The following ROBO2 variants were observed in gnomAD, a reference collection of about 807,000 sequenced individuals.
The protein encoded by ROBO2 is roundabout guidance receptor 2, also known as roundabout homolog 2.
A neutral mutation model predicts 160.8 loss-of-function variants in ROBO2; 53 were observed. The observed-to-expected ratio is 0.33, with a 90% confidence interval of 0.26 to 0.41. The LOEUF is 0.41. Ranked by LOEUF, ROBO2 falls within the 10% of genes least tolerant of loss-of-function variation. The pLI is 1.00. For missense variants in ROBO2, 1,577 were observed against 1,722.4 expected (o/e 0.92, Z 1.49); for synonymous variants, 664 against 611.7 (o/e 1.09, Z -1.26).
chr3:77,324,888 GA>G (rs2065225336), intron 2 of ROBO2, among the ~76,000 whole-genome samples: 1 of 150,994 alleles, frequency 6.6e-6, no homozygotes, highest in Admixed American at 6.6e-5. Context: ...AACAGAAATA[GA>G]AAAACTCTAA....
intron 2 of ROBO2, among the ~76,000 whole-genome samples, chr3:76,980,737 G>A (rs1203312825): frequency 2.6e-5 from 4 of 151,810 alleles, no homozygotes; most frequent in South Asian, 4.1e-4. Flanking sequence ...CTATTAACAT[G>A]TATACAAATC....
rs1319637331 is a variant in ROBO2, at chr3:76,834,174, TC to T, written c.110-263839del. Among the ~76,000 whole-genome samples the T allele has an allele frequency of 1.9e-3, 268 of 140,372 alleles. 4 individuals are homozygous for T. Among genetic ancestry groups the T allele is most frequent in the African/African-American group, 5.6e-3 (208 of 37,338 alleles). 92.1% of individuals were successfully genotyped at this position (140,372 alleles called of 152,430 possible). A position where few individuals can be genotyped will look rare whatever the true frequency, so the allele number is the denominator to read the frequency against. On this transcript the variant is annotated intron_variant, in intron 2 of 26. Transcript: ENST00000487694. ...TTCTTTCTCTCTCTTTCTTTCTTTC[TC>T]TCTCTCTCTCTCTCTTTCTTTCTTT...
intron 2 of ROBO2, among the ~76,000 whole-genome samples, chr3:77,100,485 G>T (rs1037297020): frequency 5.3e-5 from 8 of 151,818 alleles, no homozygotes; most frequent in Admixed American, 2.6e-4. Flanking sequence ...CTACCTATTG[G>T]TAACTAATAT....
rs562641899 is a variant in ROBO2, at chr3:75,911,682, C to T, written c.-14+4722C>T. Among the ~76,000 whole-genome samples, 392 of 150,932 alleles carry T rather than the reference C, an allele frequency of 2.6e-3. 1 individual carries two copies. Among genetic ancestry groups the T allele is most frequent in the African/African-American group, 9.0e-3 (373 of 41,218 alleles). ...ACGCCGTTCTCCTGCCTCAGCCTCCCGTGTAGCTGGGACTACAGGCGCACG... is the reference window on the plus strand; with the variant it reads ...ACGCCGTTCTCCTGCCTCAGCCTCCTGTGTAGCTGGGACTACAGGCGCACG... On this transcript the variant is annotated intron_variant, in intron 1 of 26. Transcript: ENST00000487694.
At chr3:77,206,061 T>A (rs1560231977) in intron 2 of ROBO2, among the ~76,000 whole-genome samples, 1 of 152,176 alleles carries the variant, frequency 6.6e-6, no homozygotes, top group Non-Finnish European at 1.5e-5. Context: ...ATTCCTTGGT[T>A]GGGCTGCGTA....
intron 2 of ROBO2, among the ~76,000 whole-genome samples, chr3:76,141,155 CTCTCTATA>C (rs1297653198): frequency 1.8e-3 from 45 of 25,018 alleles, no homozygotes; most frequent in Non-Finnish European, 2.6e-3. Context: ...CTCTCTCTCT[CTCTCTATA>C]TATATATATA....
intron 2 of ROBO2, among the ~76,000 whole-genome samples, chr3:77,406,943 T>G (rs2076301000): frequency 6.6e-6 from 1 of 152,184 alleles, no homozygotes; most frequent in Non-Finnish European, 1.5e-5. Context: ...ACTAATGAGA[T>G]TTCTTTATGA....
chr3:76,292,902 A>G (rs1399576949), intron 2 of ROBO2, among the ~76,000 whole-genome samples: 1 of 151,636 alleles, frequency 6.6e-6, no homozygotes, highest in Non-Finnish European at 1.5e-5. Context: ...ACAAGTGACC[A>G]TGCCGATTGT....
intron 2 of ROBO2, among the ~76,000 whole-genome samples, chr3:77,352,048 G>A (rs1183112760): frequency 6.7e-6 from 1 of 150,302 alleles, no homozygotes; most frequent in East Asian, 2.0e-4. Flanking sequence ...GCATACATAT[G>A]TAACAAACCT....
In ROBO2 at chr3:76,504,519, C is replaced by CTTT. The variant is rs57591523; in HGVS notation, c.109+566943_109+566945dup. ...TTCATCAGTAAGCTTAGAAAATACT[C>CTTT]TTTTTTTTTTTTTTTTTTTTTTTTT... On this transcript the variant is annotated intron_variant, in intron 2 of 26. Transcript: ENST00000487694. Among the ~76,000 whole-genome samples, 22 of 73,550 alleles carry CTTT rather than the reference C, an allele frequency of 3.0e-4. 1 individual carries two copies. Among genetic ancestry groups the CTTT allele is most frequent in the South Asian group, 5.8e-4 (1 of 1,722 alleles). 48.3% of individuals were successfully genotyped at this position (73,550 alleles called of 152,430 possible).
In ROBO2 at chr3:75,923,121, C is replaced by T. The variant is rs1220584805; in HGVS notation, c.-13-14360C>T. 2.0e-5 allele frequency among the ~76,000 whole-genome samples: 3 copies of T among 152,120 alleles called. No individual in the cohort carries two copies. In the South Asian group the frequency reaches 6.2e-4, roughly 31 times the overall value. ...TGCTTTTTTAAGTAGTTCCTATGGC[C>T]TTATCTTATAGAGGAAGGTTTTTTT... On this transcript the variant is annotated intron_variant, in intron 1 of 26. Transcript: ENST00000487694.
chr3:76,654,855 A>G (rs1560312733), intron 2 of ROBO2, among the ~76,000 whole-genome samples: 1 of 119,146 alleles, frequency 8.4e-6, no homozygotes, highest in African/African-American at 4.8e-5. Flanking sequence ...ATATATATAT[A>G]CACACACGTA....
At chr3:76,425,966 A>C (rs1167927756) in intron 2 of ROBO2, among the ~76,000 whole-genome samples, 1 of 152,182 alleles carries the variant, frequency 6.6e-6, no homozygotes, top group Non-Finnish European at 1.5e-5. Context: ...AAATTAAAAC[A>C]CTTATTGGTT....
chr3:76,873,011 G>T (rs982263353), intron 2 of ROBO2, among the ~76,000 whole-genome samples: 1 of 151,988 alleles, frequency 6.6e-6, no homozygotes, highest in African/African-American at 2.4e-5. Context: ...TGATATATTG[G>T]TATTTTAAAT....
intron 1 of ROBO2, among the ~76,000 whole-genome samples, chr3:77,062,677 C>T (rs1028269504): frequency 7.2e-5 from 11 of 152,108 alleles, no homozygotes; most frequent in Admixed American, 2.0e-4. Flanking sequence ...TCCAGTGGCC[C>T]ATAAATTGGA....
intron 2 of ROBO2, among the ~76,000 whole-genome samples, chr3:76,057,295 A>G (rs17013716): frequency 0.02 from 3,121 of 152,256 alleles, 44 homozygotes; most frequent in East Asian, 0.081. Context: ...GGGTTTATAC[A>G]ACACGTTTGT....
chr3:76,526,832 A>G (rs1032731996), intron 2 of ROBO2, among the ~76,000 whole-genome samples: 1 of 152,090 alleles, frequency 6.6e-6, no homozygotes, highest in Non-Finnish European at 1.5e-5. Context: ...ATGAATGTAT[A>G]ATGGGAAGTT....
Position 75,957,248 on chromosome 3 carries a change from A to AACAC in ROBO2, c.109+19662_109+19665dup, listed in dbSNP as rs74280410. Reference sequence around the variant, plus strand: ...AAAACACACACGCACACACACACAAAACACACACACACACACACATACACA... The same window carrying AACAC: ...AAAACACACACGCACACACACACAAAACACACACACACACACACACACATACACA... On this transcript the variant is annotated intron_variant, in intron 2 of 26. Coordinates refer to the ROBO2 transcript ENST00000487694. 8.0e-4 allele frequency among the ~76,000 whole-genome samples: 120 copies of AACAC among 149,464 alleles called. 1 individual carries two copies. Among genetic ancestry groups the AACAC allele is most frequent in the Admixed American group, 8.7e-4 (13 of 14,870 alleles).
chr3:77,180,416 C>CTATATA (rs71104657), intron 2 of ROBO2, among the ~76,000 whole-genome samples: 28 of 90,722 alleles, frequency 3.1e-4, no homozygotes, highest in African/African-American at 8.5e-4. Context: ...CTCTCTCTCT[C>CTATATA]TATATATATA....
Sources: allele counts gnomAD v4.1 joint callset (sites outside exome capture counted in the v4.1 genomes callset), GRCh38; gene constraint gnomAD v4.1.1; transcripts MANE v1.5; gene names NCBI Gene and HGNC (gene_info 2026-07-23, HGNC 2026-07-21).